Variants in CNBD1 observed in about 807,000 individuals in gnomAD.
CNBD1 encodes cyclic nucleotide binding domain containing 1.
In CNBD1, 71 loss-of-function variants were observed where a neutral mutation model predicts 54.4. That is an observed-to-expected ratio of 1.30 (90% confidence interval 1.08 to 1.59). The LOEUF (loss-of-function observed/expected upper bound fraction) is 1.59. CNBD1 is among the 40% of genes most tolerant of loss of function. The probability of loss-of-function intolerance (pLI) is 0.00; values close to 1 mark genes in which losing one functional copy is unlikely to be tolerated. For synonymous variants in CNBD1, 182 were observed against 170.7 expected, an observed-to-expected ratio of 1.07 and a Z score of -0.51; for missense variants, 659 against 518.0, an observed-to-expected ratio of 1.27 and a Z score of -2.64.
intron 4 of CNBD1, among the ~76,000 whole-genome samples, chr8:87,202,535 G>T (rs1447263320): frequency 6.6e-6 from 1 of 152,114 alleles, no homozygotes; most frequent in Non-Finnish European, 1.5e-5. Flanking sequence ...TCAAACTGGA[G>T]GTAGCACTGA....
At chr8:87,095,933 C>T (rs1220357859) in intron 4 of CNBD1, among the ~76,000 whole-genome samples, 1 of 152,316 alleles carries the variant, frequency 6.6e-6, no homozygotes, top group East Asian at 1.9e-4. Flanking sequence ...GTTGGGATTA[C>T]AGGCATGAGC....
At chr8:87,308,209 T>A (rs2130888382) in intron 8 of CNBD1, among the ~76,000 whole-genome samples, 1 of 152,262 alleles carries the variant, frequency 6.6e-6, no homozygotes, top group South Asian at 2.1e-4. Context: ...GGATGGAATT[T>A]GTTGTTCAGT....
chr8:87,312,174 A>G (rs976530505), intron 8 of CNBD1, among the ~76,000 whole-genome samples: 4 of 152,090 alleles, frequency 2.6e-5, no homozygotes, highest in African/African-American at 9.7e-5. Context: ...TAATTTTCGC[A>G]ATAAAACATA....
At chr8:87,164,991 C>T (rs1388399476) in intron 4 of CNBD1, among the ~76,000 whole-genome samples, 1 of 151,602 alleles carries the variant, frequency 6.6e-6, no homozygotes, top group Non-Finnish European at 1.5e-5. Context: ...TTTCATAAGT[C>T]ACAAGATTTT....
chr8:87,218,502 T>C (rs1814260980), intron 5 of CNBD1, among the ~76,000 whole-genome samples: 1 of 152,096 alleles, frequency 6.6e-6, no homozygotes, highest in African/African-American at 2.4e-5. Flanking sequence ...TTCTTAGAAA[T>C]AGTCTATTAT....
chr8:87,133,541 C>T lies in CNBD1; in HGVS notation c.432-72452C>T, dbSNP rs1005048244. Among the ~76,000 whole-genome samples, 4 of 152,112 alleles carry T rather than the reference C, an allele frequency of 2.6e-5. No homozygotes were observed. In the East Asian group the frequency reaches 7.7e-4, roughly 29 times the overall value. On this transcript the variant is annotated intron_variant, in intron 4 of 10. Coordinates refer to ENST00000518476, the MANE Select transcript of CNBD1 (RefSeq NM_173538.3). ...CATCATGGAAAAGTCAAAGCATGGG[C>T]CACTCTCCTGGGTTGTTCCCTTCAC...
rs527978813 is a variant in CNBD1 at position 87,341,529 on chromosome 8, A to G, written c.1043-10156A>G. On this transcript the variant is annotated intron_variant, in intron 8 of 10. Transcript: ENST00000518476. ...TTCTGCTATGGTTTGAATCTTTGCC[A>G]TCTACAAAATTCATGTTAAAATGTT... Among the ~76,000 whole-genome samples the G allele has an allele frequency of 5.9e-5, 9 of 152,300 alleles. No homozygotes were observed. The South Asian group carries it at 1.9e-3, about 32-fold the overall frequency.
intron 4 of CNBD1, among the ~76,000 whole-genome samples, chr8:87,192,732 G>T (rs1813639444): frequency 6.6e-6 from 1 of 152,126 alleles, no homozygotes; most frequent in Admixed American, 6.5e-5. Context: ...ATTCCTAATT[G>T]TTCTTTCAGG....
intron 8 of CNBD1, among the ~76,000 whole-genome samples, chr8:87,311,493 G>A (rs1191020501): frequency 6.6e-6 from 1 of 152,126 alleles, no homozygotes; most frequent in Non-Finnish European, 1.5e-5. Context: ...CCTGTCCACA[G>A]TTGGTGGGAA....
chr8:87,402,908 T>A (rs1807592973), intron 2 of CNBD1, among the ~76,000 whole-genome samples: 1 of 152,078 alleles, frequency 6.6e-6, no homozygotes, highest in South Asian at 2.1e-4. Context: ...ATGGAGCTAC[T>A]GCTGTACAAG....
intron 4 of CNBD1, among the ~76,000 whole-genome samples, chr8:86,954,730 T>C (rs976311832): frequency 3.9e-5 from 6 of 152,360 alleles, no homozygotes; most frequent in Admixed American, 2.6e-4. Context: ...TTTAGTTACA[T>C]ACTTAGATGC....
intron 4 of CNBD1, among the ~76,000 whole-genome samples, chr8:87,022,682 A>C (rs964570245): frequency 6.6e-6 from 1 of 152,210 alleles, no homozygotes; most frequent in South Asian, 2.1e-4. Flanking sequence ...TGTAACCACT[A>C]TTACTGAAAC....
chr8:87,280,945 T>C (rs1455600668), intron 6 of CNBD1, among the ~76,000 whole-genome samples: 1 of 151,364 alleles, frequency 6.6e-6, no homozygotes, highest in Non-Finnish European at 1.5e-5. Context: ...CAGAAGAGGA[T>C]TATCTATGTA....
At chr8:86,995,772 AG>A (rs1808858130) in intron 4 of CNBD1, among the ~76,000 whole-genome samples, 1 of 152,052 alleles carries the variant, frequency 6.6e-6, no homozygotes, top group Non-Finnish European at 1.5e-5. Flanking sequence ...GAAACTGGTC[AG>A]GCTGGCGTTC....
chr8:87,179,350 G>C (rs751021962), intron 4 of CNBD1, among the ~76,000 whole-genome samples: 5 of 152,106 alleles, frequency 3.3e-5, no homozygotes, highest in Non-Finnish European at 5.9e-5. Context: ...TTAGATATAA[G>C]TACCATTTAA....
At position 87,073,883 on chromosome 8, in the gene CNBD1, C is replaced by T. The variant is rs535715213; in HGVS notation, c.432-132110C>T. Among the ~76,000 whole-genome samples, 6 of 152,040 alleles carry T rather than the reference C, an allele frequency of 3.9e-5. No homozygotes were observed. In the South Asian group the frequency reaches 1.0e-3, roughly 26 times the overall value. ...TTGGGAGGCTGAGGTGGGCAGATCACGAGGTCAGGAGATTGAGACCATCCT... is the reference window on the plus strand; with the variant it reads ...TTGGGAGGCTGAGGTGGGCAGATCATGAGGTCAGGAGATTGAGACCATCCT... On this transcript the variant is annotated intron_variant, in intron 4 of 10. Transcript: ENST00000518476.
rs116488413 is a variant in CNBD1 at position 86,887,791 on chromosome 8, G to T, written c.158+180G>T. ...CAGATTGAAGGGGCAGAATATATAT[G>T]TCACATCTTAAGGAAACAATTTAGT... On this transcript the variant is annotated intron_variant, in intron 2 of 10. Coordinates refer to ENST00000518476, the MANE Select transcript of CNBD1 (RefSeq NM_173538.3). 7.7e-3 allele frequency among the ~76,000 whole-genome samples: 1,168 copies of T among 152,184 alleles called. 13 individuals carry two copies. The highest frequency in any genetic ancestry group is 0.026 in the African/African-American group (1,084 of 41,506).
chr8:87,304,636 TAAAA>T (rs1809102788), intron 8 of CNBD1, among the ~76,000 whole-genome samples: 1 of 151,894 alleles, frequency 6.6e-6, no homozygotes, highest in Admixed American at 6.6e-5. Flanking sequence ...TAAAGTATAA[TAAAA>T]ATAAATAAAT....
chr8:87,169,642 C>T (rs1262069219), intron 4 of CNBD1, among the ~76,000 whole-genome samples: 1 of 152,000 alleles, frequency 6.6e-6, no homozygotes, highest in East Asian at 1.9e-4. Flanking sequence ...CCAGTTTTCC[C>T]AACACCATTT....
Sources: gnomAD v4.1 joint callset for allele counts (sites outside exome capture counted in the v4.1 genomes callset) on GRCh38, gnomAD v4.1.1 for gene constraint, MANE v1.5 for transcripts, NCBI Gene and HGNC (gene_info 2026-07-23, HGNC 2026-07-21) for gene names.